The following C1orf87 variants were observed in gnomAD, a reference collection of about 807,000 sequenced individuals.
C1orf87 encodes the protein chromosome 1 open reading frame 87.
Under a neutral mutation model 60.5 loss-of-function variants are expected in C1orf87, and 58 were observed. That is an observed-to-expected ratio of 0.96 (90% CI 0.78 to 1.19). The LOEUF (loss-of-function observed/expected upper bound fraction) is 1.19. Among genes scored for constraint, C1orf87 ranks in the 50% most tolerant of loss-of-function variants. The pLI is 0.00. For missense variants in C1orf87, 673 were observed against 638.6 expected (o/e 1.05, Z -0.58); for synonymous variants, 236 against 227.4 (o/e 1.04, Z -0.34).
chr1:59,996,062 G>A (rs1027511071), intron 11 of C1orf87, among the ~76,000 whole-genome samples: 2 of 150,636 alleles, frequency 1.3e-5, no homozygotes, highest in Admixed American at 1.3e-4. Flanking sequence ...AAATTTTCAG[G>A]TTTTTTTTTC....
chr1:60,049,841 G>A (rs990296008), intron 3 of C1orf87, among the ~76,000 whole-genome samples: 6 of 152,044 alleles, frequency 3.9e-5, no homozygotes, highest in African/African-American at 1.4e-4. Context: ...ATCCAATAAT[G>A]TGTCACTGAT....
intron 5 of C1orf87, among the ~76,000 whole-genome samples, chr1:60,038,626 C>T (rs1574314772): frequency 6.6e-6 from 1 of 152,140 alleles, no homozygotes; most frequent in Non-Finnish European, 1.5e-5. Flanking sequence ...TCTCTCTCCC[C>T]ACCGCTGCCC....
chr1:60,038,017 C>A lies in C1orf87; in HGVS notation c.838G>T (p.Glu280Ter). ...NKAAADLRKT[E>*]SHGTHSQSTP... ...CTTTGGCTATGAGTGCCATGACTCT[C>A]AGTTTTTCTCAGGTCTGCAGCTGCT... The change falls in exon 6 of 12, where the codon GAG becomes TAG. Residue 280 changes from glutamate to a stop codon, truncating the protein, a stop_gained. Coordinates refer to ENST00000371201, the MANE Select transcript of C1orf87 (RefSeq NM_152377.3). LOFTEE classifies it high-confidence loss of function. The A allele has an allele frequency of 6.2e-7, 1 of 1,610,182 alleles. No homozygotes were observed. The highest frequency in any genetic ancestry group is 1.1e-5 in the South Asian group (1 of 90,578).
At position 59,990,781 on chromosome 1, in the gene C1orf87, A is replaced by G; in HGVS notation, c.1533T>C (p.Ile511=). 2 of 1,614,018 alleles carry G rather than the reference A, an allele frequency of 1.2e-6. No homozygotes were observed. The highest frequency in any genetic ancestry group is 2.2e-5 in the South Asian group (2 of 91,068). ...TCTGAGGGCTCAGGGACAGGTTGTA[A>G]ATGAGATTGTAGTTGTGAATGAGGC... The part of the protein sequence containing the change: ...ARRLIHNYNL[I]YNLSLSPQKI... Residue 511 remains isoleucine (I), a synonymous_variant, in exon 12 of 12, where the codon ATT becomes ATC. Transcript: ENST00000371201.
intron 3 of C1orf87, among the ~76,000 whole-genome samples, chr1:60,051,661 T>C (rs2100313406): frequency 6.6e-6 from 1 of 152,268 alleles, no homozygotes; most frequent in African/African-American, 2.4e-5. Context: ...CGCAGCAGTA[T>C]TTATCACAAT....
chr1:60,069,992 A>C (rs1289513234), intron 2 of C1orf87, among the ~76,000 whole-genome samples: 1 of 152,212 alleles, frequency 6.6e-6, no homozygotes, highest in Non-Finnish European at 1.5e-5. Flanking sequence ...ATGCTGCCAC[A>C]AGCCAAGGAA....
intron 9 of C1orf87, among the ~76,000 whole-genome samples, chr1:60,002,483 G>C (rs2100244196): frequency 6.6e-6 from 1 of 152,058 alleles, no homozygotes; most frequent in Admixed American, 6.6e-5. Context: ...GGGGTTGTTT[G>C]TTTTTTTCTT....
intron 2 of C1orf87, among the ~76,000 whole-genome samples, chr1:60,070,642 C>G (rs1265405581): frequency 1.3e-5 from 2 of 152,104 alleles, no homozygotes; most frequent in Admixed American, 6.5e-5. Flanking sequence ...CTATAGGAAA[C>G]ACAACAAACA....
intron 3 of C1orf87, among the ~76,000 whole-genome samples, chr1:60,044,588 T>C (rs115721824): frequency 0.012 from 1,876 of 152,228 alleles, 39 homozygotes; most frequent in African/African-American, 0.043. Context: ...AGCAACAGCA[T>C]GGGAGAATGG....
intron 10 of C1orf87, among the ~76,000 whole-genome samples, chr1:59,998,319 A>G (rs1168400733): frequency 1.3e-5 from 2 of 152,178 alleles, no homozygotes; most frequent in African/African-American, 4.8e-5. Context: ...TTCATTTAGC[A>G]AAGGAGGCTG....
rs369699323 is a variant in C1orf87, at chr1:60,021,512, G to A, written c.1127+3889C>T. 2.4e-3 allele frequency among the ~76,000 whole-genome samples: 358 copies of A among 152,232 alleles called. 2 individuals carry two copies. The highest frequency in any genetic ancestry group is 7.8e-3 in the African/African-American group (326 of 41,546). Reference sequence around the variant, plus strand: ...GAGATAGGGACTGGGAAGAATTTACGTATCTGCATCCCTGAGAATATTTTG... The same window carrying A: ...GAGATAGGGACTGGGAAGAATTTACATATCTGCATCCCTGAGAATATTTTG... On this transcript the variant is annotated intron_variant, in intron 8 of 11. Coordinates refer to ENST00000371201, the MANE Select transcript of C1orf87 (RefSeq NM_152377.3).
chr1:60,073,298 CAGA>C (rs1645596392), intron 1 of C1orf87, among the ~76,000 whole-genome samples: 1 of 152,150 alleles, frequency 6.6e-6, no homozygotes, highest in Non-Finnish European at 1.5e-5. Context: ...AAGGGAAAAT[CAGA>C]AGTTCAGTAA....
intron 3 of C1orf87, among the ~76,000 whole-genome samples, chr1:60,053,142 A>C (rs907923204): frequency 6.6e-6 from 1 of 152,254 alleles, no homozygotes; most frequent in African/African-American, 2.4e-5. Flanking sequence ...AGGAATGAGC[A>C]GTTTGATGTA....
Position 60,033,543 on chromosome 1 carries a change from A to G in C1orf87, c.962T>C (p.Ile321Thr), listed in dbSNP as rs752953728. The part of the protein sequence containing the change: ...ALRTTNGRLN[I>T]DNLNLSFRKE... The stretch of plus-strand genomic sequence containing the variant: ...TCGAAAACTCAGATTGAGATTGTCT[A>G]TGTTGAGTCTGCCATTGGTTGTCCT... Residue 321 changes from isoleucine (I) to threonine (T), a missense_variant, in exon 7 of 12, where the codon ATA becomes ACA. Physicochemically the swap from Ile to Thr is moderately conservative, Grantham distance 89. Transcript: ENST00000371201. The G allele has an allele frequency of 9.3e-6, 15 of 1,613,916 alleles. No homozygotes were observed. The highest frequency in any genetic ancestry group is 5.3e-5 in the African/African-American group (4 of 74,924).
At chr1:60,069,416 G>C (rs760678344) in intron 2 of C1orf87, among the ~76,000 whole-genome samples, 27 of 152,256 alleles carry the variant, frequency 1.8e-4, no homozygotes, top group South Asian at 2.1e-4. Flanking sequence ...AGAGAGTCAA[G>C]TAGAGTGTGT....
chr1:60,012,435 T>C (rs1277834680), intron 8 of C1orf87, among the ~76,000 whole-genome samples: 1 of 152,092 alleles, frequency 6.6e-6, no homozygotes, highest in African/African-American at 2.4e-5. Context: ...ATTTGAATGG[T>C]ATAGGACTTA....
chr1:59,999,098 A>G (rs991310259), intron 10 of C1orf87, among the ~76,000 whole-genome samples: 3 of 152,148 alleles, frequency 2.0e-5, no homozygotes, highest in African/African-American at 7.2e-5. Context: ...CTTCTCGTAT[A>G]TAAGCTGTGA....
At chr1:59,991,964 G>C (rs1489964879) in intron 11 of C1orf87, among the ~76,000 whole-genome samples, 1 of 152,140 alleles carries the variant, frequency 6.6e-6, no homozygotes, top group Non-Finnish European at 1.5e-5. Context: ...GAAGTTCTCT[G>C]TCCCGTGGGG....
Position 60,040,976 on chromosome 1 carries a change from T to A in C1orf87, c.483+15A>T. ...TCTACAATAGACACAACTCAACAAC[T>A]CTTAGTATACACACCTCAGGTTGGT... is the stretch of plus-strand genomic sequence containing the variant. On this transcript the variant is annotated intron_variant, in intron 4 of 11. Coordinates refer to ENST00000371201, the MANE Select transcript of C1orf87 (RefSeq NM_152377.3). 1 of 1,586,562 alleles carries A rather than the reference T, an allele frequency of 6.3e-7. No individual in the cohort carries two copies. Among genetic ancestry groups the A allele is most frequent in the Non-Finnish European group, 8.6e-7 (1 of 1,163,808 alleles).
Sources: gnomAD v4.1 joint callset for allele counts (sites outside exome capture counted in the v4.1 genomes callset) on GRCh38, gnomAD v4.1.1 for gene constraint, MANE v1.5 for transcripts, NCBI Gene and HGNC (gene_info 2026-07-23, HGNC 2026-07-21) for gene names.